The following PCDHGA4 variants were observed in gnomAD, a reference collection of about 807,000 sequenced individuals.
PCDHGA4 encodes protocadherin gamma-A4.
PCDHGA4 carries 38 observed loss-of-function variants against 54.6 expected under a neutral mutation model. That is an observed-to-expected ratio of 0.70 (90% CI 0.54 to 0.91). The LOEUF (loss-of-function observed/expected upper bound fraction) is 0.91. Among genes scored for constraint, PCDHGA4 ranks in the 40% least tolerant of loss-of-function variants. PCDHGA4 has a pLI of 0.00. For missense variants in PCDHGA4, 1,298 were observed against 1,220.9 expected (o/e 1.06, Z -0.94); for synonymous variants, 511 against 512.9 (o/e 1.00, Z 0.05).
At chr5:141,371,647 A>G (rs759543088) in intron 1 of PCDHGA4, 2 of 1,614,044 alleles carry the variant, frequency 1.2e-6, no homozygotes, top group South Asian at 1.1e-5. Flanking sequence ...ATCCCAGAAT[A>G]CAATGTGACG....
At chr5:141,423,761 TG>T in intron 1 of PCDHGA4, 1 of 156,420 alleles carries the variant, frequency 6.4e-6, no homozygotes, top group Non-Finnish European at 9.2e-6. Context: ...GGGGGGGGGG[TG>T]GGGCGGCATA....
At chr5:141,363,356 T>C (rs1167881605) in intron 1 of PCDHGA4, among the ~76,000 whole-genome samples, 3 of 152,250 alleles carry the variant, frequency 2.0e-5, no homozygotes, top group Non-Finnish European at 4.4e-5. Context: ...GAAATGTCCA[T>C]TTTTTTCAAT....
At chr5:141,454,344 G>A (rs1455147295) in intron 1 of PCDHGA4, among the ~76,000 whole-genome samples, 3 of 152,236 alleles carry the variant, frequency 2.0e-5, no homozygotes, top group Non-Finnish European at 4.4e-5. Flanking sequence ...AATGTTGGAA[G>A]TTGATCCAAA....
intron 2 of PCDHGA4, among the ~76,000 whole-genome samples, chr5:141,499,214 C>T (rs1228581603): frequency 6.6e-6 from 1 of 152,074 alleles, no homozygotes; most frequent in Non-Finnish European, 1.5e-5. Flanking sequence ...TAACCCAGGC[C>T]CTGCCCTGCA....
chr5:141,375,590 T>C (rs750456402), intron 1 of PCDHGA4: 1 of 1,614,162 alleles, frequency 6.2e-7, no homozygotes, highest in South Asian at 1.1e-5. Flanking sequence ...GCCCCTGTCC[T>C]CCTACGTGTC....
intron 1 of PCDHGA4, chr5:141,419,328 C>T (rs2096360351): frequency 6.2e-7 from 1 of 1,613,954 alleles, no homozygotes. Context: ...GTCTCCTACT[C>T]TCTCATTGCC....
intron 1 of PCDHGA4, chr5:141,365,269 A>T: frequency 6.2e-7 from 1 of 1,614,008 alleles, no homozygotes; most frequent in Non-Finnish European, 8.5e-7. Flanking sequence ...AAGAATCCAG[A>T]TTCTACCTCA....
intron 1 of PCDHGA4, chr5:141,418,494 T>TGATGGTGGG: frequency 6.2e-7 from 1 of 1,614,020 alleles, no homozygotes; most frequent in Non-Finnish European, 8.5e-7. Context: ...CACTTGGTAC[T>TGATGGTGGG]GACCGCCTTA....
chr5:141,390,321 C>A (rs776100029), intron 1 of PCDHGA4: 1 of 1,606,964 alleles, frequency 6.2e-7, no homozygotes, highest in Non-Finnish European at 8.5e-7. Context: ...TCATTGCCTA[C>A]CCATTTCTCC....
At chr5:141,364,613 C>A in intron 1 of PCDHGA4, 1 of 1,614,170 alleles carries the variant, frequency 6.2e-7, no homozygotes, top group Admixed American at 1.7e-5. Context: ...CCGGGAGGAG[C>A]TCTGCGCTCA....
intron 1 of PCDHGA4, chr5:141,390,565 G>T: frequency 4.8e-6 from 2 of 420,818 alleles, no homozygotes. Context: ...ACAGTTGTTG[G>T]CTCTCTCCTA....
chr5:141,366,780 C>G (rs1764797585), intron 1 of PCDHGA4: 1 of 1,584,650 alleles, frequency 6.3e-7, no homozygotes, highest in African/African-American at 1.4e-5. Flanking sequence ...TAAGGATGAC[C>G]AGAACATTTT....
chr5:141,388,630 T>C (rs754073337), intron 1 of PCDHGA4: 1 of 1,613,816 alleles, frequency 6.2e-7, no homozygotes, highest in Non-Finnish European at 8.5e-7. Flanking sequence ...GTATACAGGG[T>C]GAGCCTTTCA....
chr5:141,426,488 T>G, intron 1 of PCDHGA4: 1 of 328,024 alleles, frequency 3.0e-6, no homozygotes, highest in Non-Finnish European at 6.1e-6. Context: ...AACCTTAGAG[T>G]TAGTGCAGAG....
Position 141,490,345 on chromosome 5 carries a change from G to C in PCDHGA4, c.2515-4462G>C, listed in dbSNP as rs2099698831. On this transcript the variant is annotated intron_variant, in intron 1 of 3. Coordinates refer to ENST00000571252, the MANE Select transcript of PCDHGA4 (RefSeq NM_018917.4). This position sits in a 1 kb window ranked among gnomAD's most constrained non-coding sequence, Gnocchi z 5.4. ...AGAGAGCACACCAGTGGGCACAGTA[G>C]TGGGGTTGTTTAATGTGCGAGACCG... is the stretch of plus-strand genomic sequence containing the variant. 1 of 1,614,216 alleles carries C rather than the reference G, an allele frequency of 6.2e-7. No homozygotes were observed. Among genetic ancestry groups the C allele is most frequent in the Non-Finnish European group, 8.5e-7 (1 of 1,180,034 alleles).
intron 1 of PCDHGA4, chr5:141,421,623 C>T: frequency 6.2e-7 from 1 of 1,613,810 alleles, no homozygotes. Flanking sequence ...ATAACGCCCC[C>T]AGCTTCCAGG....
At chr5:141,470,511 A>T (rs1043414941) in intron 1 of PCDHGA4, among the ~76,000 whole-genome samples, 37 of 152,198 alleles carry the variant, frequency 2.4e-4, no homozygotes, top group African/African-American at 8.7e-4. Flanking sequence ...TTAGACAGTT[A>T]GCTAATATTA....
At chr5:141,394,326 A>G in intron 1 of PCDHGA4, 1 of 1,613,902 alleles carries the variant, frequency 6.2e-7, no homozygotes, top group Non-Finnish European at 8.5e-7. Flanking sequence ...GTCCTCGTAT[A>G]TCTCCATCAA....
At position 141,485,184 on chromosome 5, in the gene PCDHGA4, A is replaced by G. The variant is rs1415940980; in HGVS notation, c.2515-9623A>G. ...TAGCGGGCGGCAGCAATGCTCCGCA[A>G]GGTGAGAAGCTGGACAGAAATCTGG... On this transcript the variant is annotated intron_variant, in intron 1 of 3. Transcript: ENST00000571252. This position sits in a 1 kb window ranked among gnomAD's most constrained non-coding sequence, Gnocchi z 5.7. The G allele has an allele frequency of 6.2e-7, 1 of 1,613,152 alleles. No individual in the cohort carries two copies. The highest frequency in any genetic ancestry group is 1.3e-5 in the African/African-American group (1 of 74,938).
Sources: gnomAD v4.1 joint callset for allele counts (sites outside exome capture counted in the v4.1 genomes callset) on GRCh38, gnomAD v4.1.1 for gene constraint, Gnocchi (gnomAD v3.1) non-coding constraint, MANE v1.5 for transcripts, NCBI Gene and HGNC (gene_info 2026-07-23, HGNC 2026-07-21) for gene names.